The following CEP89 variants were observed in gnomAD, a reference collection of about 807,000 sequenced individuals.
CEP89 encodes centrosomal protein 89.
CEP89 carries 95 observed loss-of-function variants against 97.6 expected under a neutral mutation model. The ratio of observed to expected loss-of-function variants is 0.97; its 90% CI spans 0.82 to 1.15. CEP89 has a LOEUF of 1.15. Ranked by LOEUF, CEP89 falls within the 50% of genes most tolerant of loss-of-function variation. CEP89 has a pLI of 0.00. For missense variants in CEP89, 869 were observed against 947.7 expected, an observed-to-expected ratio of 0.92 and a Z score of 1.09; for synonymous variants, 354 against 349.1, an observed-to-expected ratio of 1.01 and a Z score of -0.16.
intron 9 of CEP89, among the ~76,000 whole-genome samples, chr19:32,928,392 T>C (rs189719355): frequency 6.6e-6 from 1 of 152,164 alleles, no homozygotes; most frequent in Admixed American, 6.5e-5. Context: ...TCTCTCTTTT[T>C]CTTTCAACTC....
At chr19:32,941,771 T>C (rs979693467) in intron 5 of CEP89, among the ~76,000 whole-genome samples, 1 of 152,078 alleles carries the variant, frequency 6.6e-6, no homozygotes, top group African/African-American at 2.4e-5. Context: ...ACTGCCCACC[T>C]TAGCACCCCA....
At chr19:32,941,667 G>T (rs961836440) in intron 5 of CEP89, among the ~76,000 whole-genome samples, 1 of 152,086 alleles carries the variant, frequency 6.6e-6, no homozygotes, top group East Asian at 1.9e-4. Context: ...TCCTGCGTTG[G>T]ACACCAGGTG....
At chr19:32,937,078 A>G in intron 7 of CEP89, 1 of 156,084 alleles carries the variant, frequency 6.4e-6, no homozygotes, top group East Asian at 1.9e-4. Flanking sequence ...GACATTTCCG[A>G]CCAGAAAAGC....
intron 14 of CEP89, among the ~76,000 whole-genome samples, chr19:32,907,301 A>C (rs1969907239): frequency 6.6e-6 from 1 of 152,186 alleles, no homozygotes; most frequent in South Asian, 2.1e-4. Flanking sequence ...TCAAGGCTGC[A>C]AGTGAGCCAT....
chr19:32,962,265 T>C (rs954829693), intron 2 of CEP89, among the ~76,000 whole-genome samples: 4 of 152,190 alleles, frequency 2.6e-5, no homozygotes, highest in African/African-American at 7.2e-5. Flanking sequence ...AGCTCTCACA[T>C]GCTCGCTCTC....
chr19:32,922,546 A>G (rs1970271208), intron 12 of CEP89, among the ~76,000 whole-genome samples: 1 of 151,564 alleles, frequency 6.6e-6, no homozygotes, highest in Non-Finnish European at 1.5e-5. Context: ...CTAACTCTAA[A>G]AAAACATAAG....
At chr19:32,950,463 CAGG>C (rs1472513998) in intron 4 of CEP89, among the ~76,000 whole-genome samples, 1 of 152,124 alleles carries the variant, frequency 6.6e-6, no homozygotes, top group Non-Finnish European at 1.5e-5. Context: ...GAGGCTGAGG[CAGG>C]AGAATTGCTT....
intron 2 of CEP89, among the ~76,000 whole-genome samples, chr19:32,961,476 G>A (rs997846900): frequency 2.6e-5 from 4 of 151,418 alleles, no homozygotes; most frequent in African/African-American, 9.7e-5. Context: ...CTACTTGGGA[G>A]GCTGAGGCAG....
chr19:32,880,233 C>T (rs1969252903), intron 18 of CEP89, among the ~76,000 whole-genome samples: 1 of 152,204 alleles, frequency 6.6e-6, no homozygotes. Context: ...CGGACACTGC[C>T]AGATGGTTCT....
chr19:32,940,487 T>C (rs1448539410), intron 5 of CEP89, among the ~76,000 whole-genome samples: 57 of 129,132 alleles, frequency 4.4e-4, no homozygotes, highest in Middle Eastern at 4.7e-3. Context: ...CTCCTTCCAA[T>C]ACTCCTCCCC....
At chr19:32,893,840 C>T (rs1403401564) in intron 16 of CEP89, among the ~76,000 whole-genome samples, 1 of 152,032 alleles carries the variant, frequency 6.6e-6, no homozygotes, top group Admixed American at 6.6e-5. Context: ...AACTGAAACA[C>T]AACATACCAA....
rs975089539 is a variant in CEP89 at position 32,876,790 on chromosome 19, G to A, written c.*2372C>T. 3.9e-5 allele frequency: 6 copies of A among 152,260 alleles called. No individual in the cohort carries two copies. The highest frequency in any genetic ancestry group is 1.2e-4 in the African/African-American group (5 of 41,478). 9.4% of individuals were successfully genotyped at this position (152,260 alleles called of 1,614,324 possible). ...AGAAGATAGTGTCTGTGGGACACCT[G>A]CCCTTGCCCTGGTCACAGTGCCATC... On this transcript the variant is annotated 3_prime_UTR_variant, in exon 19 of 19. Coordinates refer to ENST00000305768, the MANE Select transcript of CEP89 (RefSeq NM_032816.5).
At chr19:32,928,653 G>A (rs1331575335) in intron 9 of CEP89, among the ~76,000 whole-genome samples, 1 of 152,094 alleles carries the variant, frequency 6.6e-6, no homozygotes, top group Non-Finnish European at 1.5e-5. Flanking sequence ...CCAGTATCTT[G>A]CAGTCTCATC....
rs1224408961 is a variant in CEP89, at chr19:32,879,171, G to A, written c.2343C>T (p.Pro781=). ...VCSYDLKSHA[P]TC ...CGGGCTCCCGCAGATTCTAGCAGGTGGGGGCATGAGACTTCAGGTCATAGG... is the reference window on the plus strand; with the variant it reads ...CGGGCTCCCGCAGATTCTAGCAGGTAGGGGCATGAGACTTCAGGTCATAGG... Residue 781 remains proline, a synonymous_variant, in exon 19 of 19, where the codon CCC becomes CCT. Coordinates refer to ENST00000305768, the MANE Select transcript of CEP89 (RefSeq NM_032816.5). 1.2e-5 allele frequency: 19 copies of A among 1,607,390 alleles called. No homozygotes were observed. Among genetic ancestry groups the A allele is most frequent in the Admixed American group, 1.7e-5 (1 of 59,332 alleles).
At chr19:32,933,957 C>G (rs1414553851) in intron 7 of CEP89, among the ~76,000 whole-genome samples, 1 of 152,158 alleles carries the variant, frequency 6.6e-6, no homozygotes, top group Non-Finnish European at 1.5e-5. Flanking sequence ...CAGGAGCCAG[C>G]AGGGCTTTCA....
At chr19:32,971,696 G>A in intron 1 of CEP89, 140 bp downstream of exon 1, 2 of 764,158 alleles carry the variant, frequency 2.6e-6, no homozygotes, top group East Asian at 2.7e-5. Context: ...GAAAAATCAA[G>A]GCTTCCTCAA....
intron 10 of CEP89, 76 bp downstream of exon 10, chr19:32,926,858 G>A: frequency 7.7e-7 from 1 of 1,305,358 alleles, no homozygotes; most frequent in South Asian, 1.2e-5. Flanking sequence ...CACCGCGCCT[G>A]GCCTGAAATG....
intron 4 of CEP89, among the ~76,000 whole-genome samples, chr19:32,951,534 T>TATATATATATATATACACACACACACAC (rs1407110112): frequency 8.2e-6 from 1 of 122,042 alleles, no homozygotes; most frequent in African/African-American, 3.4e-5. Context: ...TATATATATA[T>TATATATATATATATACACACACACACAC]ACACACACAC....
chr19:32,892,801 C>A (rs902031961), intron 16 of CEP89, among the ~76,000 whole-genome samples: 1 of 151,854 alleles, frequency 6.6e-6, no homozygotes, highest in African/African-American at 2.4e-5. Context: ...CACCACTAGA[C>A]CCATCCTACA....
Sources: gnomAD v4.1 joint callset for allele counts (sites outside exome capture counted in the v4.1 genomes callset) on GRCh38, gnomAD v4.1.1 for gene constraint, MANE v1.5 for transcripts, NCBI Gene and HGNC (gene_info 2026-07-23, HGNC 2026-07-21) for gene names.